The following NBEAL1 variants were observed in gnomAD, a reference collection of about 807,000 sequenced individuals.
NBEAL1 encodes neurobeachin like 1, also known as neurobeachin-like protein 1.
In NBEAL1, 273 loss-of-function variants were observed where a neutral mutation model predicts 351.3. The ratio of observed to expected loss-of-function variants is 0.78; its 90% CI spans 0.70 to 0.86. NBEAL1 has a LOEUF of 0.86. Ranked by LOEUF, NBEAL1 falls within the 40% of genes least tolerant of loss-of-function variation. The pLI is 0.00. For missense variants in NBEAL1, 2,961 were observed against 3,201.3 expected, an observed-to-expected ratio of 0.92 and a Z score of 1.81; for synonymous variants, 1,050 against 1,086.4, an observed-to-expected ratio of 0.97 and a Z score of 0.66.
intron 2 of NBEAL1, among the ~76,000 whole-genome samples, chr2:203,030,900 A>G (rs1395016365): frequency 1.3e-5 from 2 of 152,208 alleles, no homozygotes; most frequent in African/African-American, 2.4e-5. Flanking sequence ...CTATAGTCAC[A>G]GCCACTTGGG....
rs760453764 is a variant in NBEAL1, at chr2:203,126,747, T to C, written c.3145+31T>C. ...AGCAGGCTTTCAGATAAACATTTTATAGTTGTTTTAGAAATTTATAACTAC... is the reference window on the plus strand; with the variant it reads ...AGCAGGCTTTCAGATAAACATTTTACAGTTGTTTTAGAAATTTATAACTAC... On this transcript the variant is annotated intron_variant, in intron 22 of 55. Transcript: ENST00000683969. 75 of 1,516,798 alleles carry C rather than the reference T, an allele frequency of 4.9e-5. No homozygotes were observed. The East Asian group carries it at 1.6e-3, about 32-fold the overall frequency. The allele number at this position is 1,516,798 out of a possible 1,614,324, so 94.0% of individuals were successfully genotyped here.
intron 10 of NBEAL1, among the ~76,000 whole-genome samples, chr2:203,089,577 CAAT>C (rs1258386772): frequency 1.3e-5 from 2 of 152,126 alleles, no homozygotes; most frequent in Non-Finnish European, 2.9e-5. Flanking sequence ...CAAACAAATA[CAAT>C]AACTAGAGGC....
Position 203,211,112 on chromosome 2 carries a change from T to A in NBEAL1, c.7934+6T>A, listed in dbSNP as rs750231803. 4 of 1,532,102 alleles carry A rather than the reference T, an allele frequency of 2.6e-6. No individual in the cohort carries two copies. The South Asian group carries it at 5.5e-5, about 21-fold the overall frequency. 94.9% of individuals were successfully genotyped at this position (1,532,102 alleles called of 1,614,324 possible). On this transcript the variant is annotated splice_donor_region_variant and intron_variant, in intron 54 of 55. Transcript: ENST00000683969. ...TCTATAAGAGATCTCCACAGGTAAATAATAAAAACTAATGAAGTATCACTT... is the reference window on the plus strand; with the variant it reads ...TCTATAAGAGATCTCCACAGGTAAAAAATAAAAACTAATGAAGTATCACTT...
rs527909311 is a variant in NBEAL1, at chr2:203,218,578, T to G, written c.*1224T>G. 2 of 152,326 alleles carry G rather than the reference T, an allele frequency of 1.3e-5. No individual in the cohort carries two copies. Among genetic ancestry groups the G allele is most frequent in the South Asian group, 2.1e-4 (1 of 4,826 alleles). 9.4% of individuals were successfully genotyped at this position (152,326 alleles called of 1,614,324 possible). A position where few individuals can be genotyped will look rare whatever the true frequency, so the allele number is the denominator to read the frequency against. On this transcript the variant is annotated 3_prime_UTR_variant, in exon 56 of 56. Coordinates refer to ENST00000683969, the MANE Select transcript of NBEAL1 (RefSeq NM_001378026.1). ...TTTCAGGAAGGAATGGTTACATGGC[T>G]TTCTTTAAAGGGATCTGTTTCCAGT...
intron 10 of NBEAL1, among the ~76,000 whole-genome samples, chr2:203,090,196 T>TA (rs1316988379): frequency 6.6e-6 from 1 of 152,068 alleles, no homozygotes; most frequent in Admixed American, 6.5e-5. Flanking sequence ...AGGATGTCTT[T>TA]AAAAAAAACT....
intron 31 of NBEAL1, among the ~76,000 whole-genome samples, chr2:203,142,893 G>A (rs2106332262): frequency 6.6e-6 from 1 of 152,230 alleles, no homozygotes; most frequent in Non-Finnish European, 1.5e-5. Flanking sequence ...GGGTAGAGAA[G>A]TCAGAGCTTT....
rs1280336251 is a variant in NBEAL1 at position 203,036,567 on chromosome 2, A to AT, written c.52-5197dup. 2.0e-5 allele frequency among the ~76,000 whole-genome samples: 3 copies of AT among 149,248 alleles called. 1 individual carries two copies. Among genetic ancestry groups the AT allele is most frequent in the Non-Finnish European group, 4.5e-5 (3 of 66,574 alleles). ...TAACCTGTAAAATGAGGGAAATTAA[A>AT]TCTTCTTCATTGGATAGTTGTAAGG... On this transcript the variant is annotated intron_variant, in intron 2 of 55. Coordinates refer to ENST00000683969, the MANE Select transcript of NBEAL1 (RefSeq NM_001378026.1).
At chr2:203,178,183 G>A (rs1221362453) in intron 42 of NBEAL1, among the ~76,000 whole-genome samples, 2 of 105,118 alleles carry the variant, frequency 1.9e-5, no homozygotes, top group Admixed American at 1.1e-4. Flanking sequence ...TTTTTTTTCT[G>A]AGACAGAGTC....
intron 27 of NBEAL1, among the ~76,000 whole-genome samples, chr2:203,134,495 A>G (rs2063152464): frequency 6.6e-6 from 1 of 152,198 alleles, no homozygotes; most frequent in Admixed American, 6.5e-5. Context: ...TATTAGTACT[A>G]GTAATATTGA....
At position 203,211,002 on chromosome 2, in the gene NBEAL1, A is replaced by G. The variant is rs1422872134; in HGVS notation, c.7830A>G (p.Leu2610=). 2 of 1,601,742 alleles carry G rather than the reference A, an allele frequency of 1.2e-6. No homozygotes were observed. The highest frequency in any genetic ancestry group is 1.1e-5 in the South Asian group (1 of 89,070). The change falls in exon 54 of 56, where the codon CTA becomes CTG. Residue 2610 remains leucine, a synonymous_variant. Transcript: ENST00000683969. ...LHLFSINGKY[L]GSQILKEQVS... ...TGTTTTCTATAAATGGCAAGTATCT[A>G]GGGTCTCAAATCCTGAAGGAACAAG...
chr2:203,097,576 A>C lies in NBEAL1; in HGVS notation c.1128A>C (p.Ala376=). 1 of 985,680 alleles carries C rather than the reference A, an allele frequency of 1.0e-6. No homozygotes were observed. Among genetic ancestry groups the C allele is most frequent in the South Asian group, 4.7e-5 (1 of 21,284 alleles). The allele number at this position is 985,680 out of a possible 1,614,324, so 61.1% of individuals were successfully genotyped here. Reference sequence around the variant, plus strand: ...TTTTAAATGCTAACAATAAGGTGGCAGACAAGAACGAGAAAGACCTTGCCA... The same window carrying C: ...TTTTAAATGCTAACAATAAGGTGGCCGACAAGAACGAGAAAGACCTTGCCA... ...KLFLNANNKV[A]DKNEKDLANK... is the part of the protein sequence containing the mutation. The change falls in exon 11 of 56, where the codon GCA becomes GCC. Residue 376 remains alanine (A), a synonymous_variant. Coordinates refer to ENST00000683969, the MANE Select transcript of NBEAL1 (RefSeq NM_001378026.1).
chr2:203,140,018 C>T (rs975993347), intron 31 of NBEAL1, among the ~76,000 whole-genome samples: 1 of 151,724 alleles, frequency 6.6e-6, no homozygotes, highest in South Asian at 2.1e-4. Flanking sequence ...TACACAAAAG[C>T]GGCTGGGCGT....
chr2:203,183,142 T>C (rs898878625), intron 43 of NBEAL1, 137 bp from the exon 44 acceptor site: 10 of 436,332 alleles, frequency 2.3e-5, no homozygotes, highest in African/African-American at 2.0e-4. Flanking sequence ...TTAAATTAAC[T>C]GGTATGTACT....
At chr2:203,212,893 G>A (rs1462475253) in intron 54 of NBEAL1, among the ~76,000 whole-genome samples, 2 of 152,146 alleles carry the variant, frequency 1.3e-5, no homozygotes, top group African/African-American at 2.4e-5. Context: ...GGTGTGTACT[G>A]TGCTGCATTT....
At chr2:203,166,603 A>G (rs190216866) in intron 37 of NBEAL1, among the ~76,000 whole-genome samples, 62 of 152,146 alleles carry the variant, frequency 4.1e-4, no homozygotes, top group Middle Eastern at 3.4e-3. Context: ...CTGGAGTGCA[A>G]TGGTGCGATC....
At chr2:203,197,532 G>A (rs1379581646) in intron 48 of NBEAL1, 141 bp downstream of exon 48, 3 of 520,398 alleles carry the variant, frequency 5.8e-6, no homozygotes, top group East Asian at 3.2e-5. Context: ...GCTTTGGGAG[G>A]TTGAGACAAG....
intron 10 of NBEAL1, among the ~76,000 whole-genome samples, chr2:203,092,007 A>G (rs1286220920): frequency 2.6e-5 from 4 of 152,204 alleles, no homozygotes; most frequent in African/African-American, 9.7e-5. Context: ...ACTTAACTAC[A>G]CCCTGCTAGT....
intron 36 of NBEAL1, among the ~76,000 whole-genome samples, chr2:203,163,432 A>G (rs1004378848): frequency 7.2e-5 from 11 of 152,184 alleles, no homozygotes; most frequent in Admixed American, 4.6e-4. Context: ...AAATAATTTT[A>G]TATTCTTTTT....
chr2:203,110,273 T>C lies in NBEAL1; in HGVS notation c.2073T>C (p.Asp691=), dbSNP rs917611335. 2.6e-6 allele frequency: 4 copies of C among 1,552,336 alleles called. No homozygotes were observed. Among genetic ancestry groups the C allele is most frequent in the Non-Finnish European group, 2.6e-6 (3 of 1,147,082 alleles). The change falls in exon 15 of 56, where the codon GAT becomes GAC. Residue 691 remains aspartate, a synonymous_variant. Transcript: ENST00000683969. ...TVMLPDHSFC[D]SLWHNITVVH... Reference sequence around the variant, plus strand: ...TGCTTCCTGACCACAGTTTCTGTGATTCCCTCTGGGTAAGGCTTTAGGGCA... The same window carrying C: ...TGCTTCCTGACCACAGTTTCTGTGACTCCCTCTGGGTAAGGCTTTAGGGCA...
Sources: gnomAD v4.1 joint callset for allele counts (sites outside exome capture counted in the v4.1 genomes callset) on GRCh38, gnomAD v4.1.1 for gene constraint, MANE v1.5 for transcripts, NCBI Gene and HGNC (gene_info 2026-07-23, HGNC 2026-07-21) for gene names.